NRG1: variants seen among roughly 807,000 people sequenced by gnomAD.
NRG1 encodes the protein pro-neuregulin-1, membrane-bound isoform.
In NRG1, 18 loss-of-function variants were observed where a neutral mutation model predicts 63.8. That is an observed-to-expected ratio of 0.28 (90% CI 0.19 to 0.42). NRG1 has a LOEUF of 0.42. NRG1 is among the 10% of genes least tolerant of loss of function. The pLI, the probability that NRG1 is intolerant of heterozygous loss-of-function variation, is 1.00. For missense variants in NRG1, 762 were observed against 814.7 expected (o/e 0.94, Z 0.79); for synonymous variants, 302 against 301.3 (o/e 1.00, Z -0.02).
chr8:31,791,941 C>G (rs546751118), intron 1 of NRG1, among the ~76,000 whole-genome samples: 2 of 152,272 alleles, frequency 1.3e-5, no homozygotes, highest in African/African-American at 4.8e-5. Flanking sequence ...AAGCTTTCTC[C>G]CACTGCTTAC....
intron 1 of NRG1, among the ~76,000 whole-genome samples, chr8:32,008,908 G>T (rs1165173031): frequency 1.3e-5 from 2 of 151,984 alleles, no homozygotes; most frequent in African/African-American, 4.8e-5. Flanking sequence ...GGGAAAATCT[G>T]CACATCACTC....
intron 1 of NRG1, among the ~76,000 whole-genome samples, chr8:32,463,956 G>A (rs573039998): frequency 1.6e-5 from 2 of 122,526 alleles, no homozygotes; most frequent in African/African-American, 3.1e-5. Flanking sequence ...GTGCAGTGGC[G>A]ATCTTGGCTC....
chr8:32,122,192 G>A (rs938633574), intron 1 of NRG1, among the ~76,000 whole-genome samples: 1 of 151,886 alleles, frequency 6.6e-6, no homozygotes, highest in Admixed American at 6.6e-5. Flanking sequence ...AATATAAATA[G>A]TTATGGGGGG....
At chr8:32,488,041 C>T (rs1378363462) in intron 1 of NRG1, among the ~76,000 whole-genome samples, 1 of 152,162 alleles carries the variant, frequency 6.6e-6, no homozygotes, top group Admixed American at 6.5e-5. Flanking sequence ...CAGTCTACCC[C>T]TGAATGAAAG....
chr8:31,665,219 T>C (rs35011333), intron 1 of NRG1, among the ~76,000 whole-genome samples: 35,041 of 152,084 alleles, frequency 0.23, 4,268 homozygotes, highest in Admixed American at 0.27. Flanking sequence ...TCAGAAAGTA[T>C]AAATATATGA....
chr8:31,712,120 A>G (rs1811821165), intron 1 of NRG1, among the ~76,000 whole-genome samples: 1 of 150,878 alleles, frequency 6.6e-6, no homozygotes, highest in South Asian at 2.1e-4. Context: ...CCTTTTTTTA[A>G]TTAGCCTTTA....
At chr8:32,128,685 G>A (rs1300909240) in intron 1 of NRG1, among the ~76,000 whole-genome samples, 15 of 151,796 alleles carry the variant, frequency 9.9e-5, no homozygotes, top group Admixed American at 3.3e-4. Context: ...TGCAGCCAGC[G>A]TGTTTTTTCT....
chr8:32,346,802 G>C (rs964740029), intron 1 of NRG1, among the ~76,000 whole-genome samples: 3 of 151,968 alleles, frequency 2.0e-5, no homozygotes, highest in Non-Finnish European at 4.4e-5. Context: ...CAAGGTGACT[G>C]GGATATGCAT....
chr8:31,682,869 T>G (rs1313961317), intron 1 of NRG1, among the ~76,000 whole-genome samples: 6 of 152,072 alleles, frequency 3.9e-5, no homozygotes, highest in African/African-American at 1.4e-4. Context: ...GAAAAACAAG[T>G]GAATGATAAG....
intron 1 of NRG1, among the ~76,000 whole-genome samples, chr8:32,494,967 AG>A (rs1315261102): frequency 6.6e-6 from 1 of 152,244 alleles, no homozygotes; most frequent in Non-Finnish European, 1.5e-5. Flanking sequence ...ATTCTTTACA[AG>A]TTGTGTAACA....
chr8:32,218,119 G>A (rs1021597041), intron 1 of NRG1, among the ~76,000 whole-genome samples: 2 of 152,190 alleles, frequency 1.3e-5, no homozygotes, highest in African/African-American at 4.8e-5. Context: ...TTAAGATCAT[G>A]CTTGAGAAAC....
rs181365302 is a variant in NRG1 at position 32,396,432 on chromosome 8, G to A, written c.38-199396G>A. 1.4e-4 allele frequency among the ~76,000 whole-genome samples: 21 copies of A among 152,090 alleles called. No individual in the cohort carries two copies. The East Asian group carries it at 1.9e-3, about 14-fold the overall frequency. ...TCTTGTATATATTTTGTCAGAGTTCGCCCAAATGGTACATTTATTTATCTA... is the reference window on the plus strand; with the variant it reads ...TCTTGTATATATTTTGTCAGAGTTCACCCAAATGGTACATTTATTTATCTA... On this transcript the variant is annotated intron_variant, in intron 1 of 10. Coordinates refer to the NRG1 transcript ENST00000519301.
chr8:32,464,644 T>C (rs2129489663), intron 1 of NRG1, among the ~76,000 whole-genome samples: 1 of 152,360 alleles, frequency 6.6e-6, no homozygotes, highest in South Asian at 2.1e-4. Flanking sequence ...ACAACCATTA[T>C]ATCTGAATCT....
intron 1 of NRG1, among the ~76,000 whole-genome samples, chr8:32,222,436 A>G (rs989191537): frequency 6.6e-6 from 1 of 152,194 alleles, no homozygotes; most frequent in East Asian, 1.9e-4. Flanking sequence ...TGCATGGTAT[A>G]ATTTATAAAA....
chr8:32,040,737 TG>T (rs1272263882), intron 1 of NRG1, among the ~76,000 whole-genome samples: 3,192 of 14,630 alleles, frequency 0.22, 93 homozygotes, highest in Middle Eastern at 0.39. Context: ...TATATATATA[TG>T]AAATTTAGGC....
chr8:32,296,221 G>A (rs1169843081), intron 1 of NRG1, among the ~76,000 whole-genome samples: 1 of 152,122 alleles, frequency 6.6e-6, no homozygotes, highest in Non-Finnish European at 1.5e-5. Flanking sequence ...ATATGCCAGT[G>A]TGTGTACTTA....
intron 1 of NRG1, among the ~76,000 whole-genome samples, chr8:31,870,311 A>G (rs1344278726): frequency 6.6e-6 from 1 of 152,168 alleles, no homozygotes; most frequent in East Asian, 1.9e-4. Flanking sequence ...AAGGTAAGGA[A>G]CCCAATTATG....
At chr8:32,038,816 G>A (rs1343086492) in intron 1 of NRG1, among the ~76,000 whole-genome samples, 3 of 152,108 alleles carry the variant, frequency 2.0e-5, no homozygotes, top group Non-Finnish European at 4.4e-5. Flanking sequence ...TTTTGTAAAG[G>A]AAGCTAGCCC....
At chr8:31,955,067 T>A (rs1420722255) in intron 1 of NRG1, among the ~76,000 whole-genome samples, 3 of 152,186 alleles carry the variant, frequency 2.0e-5, no homozygotes, top group African/African-American at 7.2e-5. Context: ...AAAATGTTTT[T>A]AAATTATTTA....
Sources: gnomAD v4.1 joint callset for allele counts (sites outside exome capture counted in the v4.1 genomes callset) on GRCh38, gnomAD v4.1.1 for gene constraint, MANE v1.5 for transcripts, NCBI Gene and HGNC (gene_info 2026-07-23, HGNC 2026-07-21) for gene names.